UBASH3B: variants seen among roughly 807,000 people sequenced by gnomAD.
The protein encoded by UBASH3B is ubiquitin-associated and SH3 domain-containing protein B.
UBASH3B carries 37 observed loss-of-function variants against 83.4 expected under a neutral mutation model. The ratio of observed to expected loss-of-function variants is 0.44; its 90% CI spans 0.34 to 0.58. The LOEUF (loss-of-function observed/expected upper bound fraction) is 0.58, where lower values mean the gene tolerates loss of function less well. Among genes scored for constraint, UBASH3B ranks in the 20% least tolerant of loss-of-function variants. UBASH3B has a pLI of 0.01. For synonymous variants in UBASH3B, 304 were observed against 318.3 expected, an observed-to-expected ratio of 0.96 and a Z score of 0.48; for missense variants, 657 against 827.2, an observed-to-expected ratio of 0.79 and a Z score of 2.52.
chr11:122,769,130 CT>C (rs1860601597), intron 1 of UBASH3B, among the ~76,000 whole-genome samples: 1 of 152,202 alleles, frequency 6.6e-6, no homozygotes, highest in African/African-American at 2.4e-5. Flanking sequence ...GGAGGCATGA[CT>C]CCAGCATCTG....
intron 1 of UBASH3B, among the ~76,000 whole-genome samples, chr11:122,718,785 C>A (rs899903409): frequency 6.6e-6 from 1 of 152,094 alleles, no homozygotes; most frequent in Admixed American, 6.6e-5. Context: ...TCTTCTTACT[C>A]CAATCTGACA....
chr11:122,684,213 T>C (rs1018591893), intron 1 of UBASH3B, among the ~76,000 whole-genome samples: 5 of 152,156 alleles, frequency 3.3e-5, no homozygotes, highest in African/African-American at 1.2e-4. Flanking sequence ...ATCTAATAAA[T>C]TGGCTGTAGA....
chr11:122,778,856 C>T (rs1452659564), intron 3 of UBASH3B, among the ~76,000 whole-genome samples: 1 of 152,176 alleles, frequency 6.6e-6, no homozygotes, highest in Non-Finnish European at 1.5e-5. Flanking sequence ...CTGCCCGCCT[C>T]AGCCTCCCAA....
chr11:122,682,238 A>C (rs761867653), intron 1 of UBASH3B, among the ~76,000 whole-genome samples: 1 of 152,150 alleles, frequency 6.6e-6, no homozygotes, highest in Non-Finnish European at 1.5e-5. Flanking sequence ...TTAGTAGTTG[A>C]CTGTGTGGAT....
intron 1 of UBASH3B, among the ~76,000 whole-genome samples, chr11:122,751,199 CTTA>C (rs1273740328): frequency 6.6e-6 from 1 of 152,210 alleles, no homozygotes; most frequent in African/African-American, 2.4e-5. Flanking sequence ...CAGCATTTAT[CTTA>C]TTATAATGGA....
intron 1 of UBASH3B, among the ~76,000 whole-genome samples, chr11:122,771,487 C>T (rs1044575902): frequency 1.3e-5 from 2 of 152,100 alleles, no homozygotes; most frequent in African/African-American, 2.4e-5. Context: ...GTGATCCACC[C>T]GCCTTGGCCT....
chr11:122,698,238 T>C (rs7943438), intron 1 of UBASH3B, among the ~76,000 whole-genome samples: 122,810 of 152,018 alleles, frequency 0.81, 50,666 homozygotes, highest in East Asian at 0.95. Flanking sequence ...GTTGTCAACA[T>C]TGCAGATGAC....
chr11:122,664,580 T>A (rs1202315656), intron 1 of UBASH3B, among the ~76,000 whole-genome samples: 1 of 152,092 alleles, frequency 6.6e-6, no homozygotes. Context: ...GTGGCAGTGA[T>A]CGCAGTCCTC....
intron 1 of UBASH3B, among the ~76,000 whole-genome samples, chr11:122,657,654 G>A (rs895478239): frequency 1.3e-5 from 2 of 152,144 alleles, no homozygotes; most frequent in African/African-American, 4.8e-5. Flanking sequence ...AATCAAAGTA[G>A]ACCCTTGAAT....
At position 122,699,663 on chromosome 11, in the gene UBASH3B, A is replaced by C. The variant is rs1318666990; in HGVS notation, c.161+43453A>C. Among the ~76,000 whole-genome samples the C allele has an allele frequency of 4.0e-5, 6 of 150,242 alleles. No homozygotes were observed. In the East Asian group the frequency reaches 5.9e-4, roughly 15 times the overall value. ...AGTGGTGCAATCTCTGGTTACTGCA[A>C]CCTCCGCCTCCAGGGCTCAAGCGAT... On this transcript the variant is annotated intron_variant, in intron 1 of 13. Coordinates refer to ENST00000284273, the MANE Select transcript of UBASH3B (RefSeq NM_032873.5).
intron 1 of UBASH3B, among the ~76,000 whole-genome samples, chr11:122,744,896 TGTGCGCGC>T (rs1565549496): frequency 4.9e-5 from 6 of 123,034 alleles, no homozygotes; most frequent in South Asian, 2.7e-4. Flanking sequence ...TGTGTGTGTG[TGTGCGCGC>T]GCGCGCGCAC....
intron 1 of UBASH3B, among the ~76,000 whole-genome samples, chr11:122,701,601 C>T (rs1290981979): frequency 1.3e-5 from 2 of 152,084 alleles, no homozygotes; most frequent in East Asian, 1.9e-4. Flanking sequence ...ACAGGGTCCT[C>T]GCTTGCATTG....
chr11:122,666,709 G>A (rs917577362), intron 1 of UBASH3B, among the ~76,000 whole-genome samples: 5 of 152,094 alleles, frequency 3.3e-5, no homozygotes, highest in African/African-American at 9.7e-5. Flanking sequence ...GAGCCACCGC[G>A]CCCAGCTGCA....
intron 1 of UBASH3B, among the ~76,000 whole-genome samples, chr11:122,768,508 G>GTGTGTGTGTA (rs557159523): frequency 0.055 from 7,342 of 134,162 alleles, 276 homozygotes; most frequent in Middle Eastern, 0.12. Flanking sequence ...GTGTGTGTGT[G>GTGTGTGTGTA]TATATATATA....
chr11:122,744,907 G>GCA (rs1565549549), intron 1 of UBASH3B, among the ~76,000 whole-genome samples: 3 of 56,130 alleles, frequency 5.3e-5, no homozygotes, highest in African/African-American at 1.6e-4. Context: ...GTGCGCGCGC[G>GCA]CGCGCACTTG....
In UBASH3B at chr11:122,797,239, G is replaced by T. The variant is rs988469310; in HGVS notation, c.1357+206G>T. 10 of 559,802 alleles carry T rather than the reference G, an allele frequency of 1.8e-5. No homozygotes were observed. The Admixed American group carries it at 3.7e-4, about 21-fold the overall frequency. 34.7% of individuals were successfully genotyped at this position (559,802 alleles called of 1,614,324 possible). A position where few individuals can be genotyped will look rare whatever the true frequency, so the allele number is the denominator to read the frequency against. On this transcript the variant is annotated intron_variant, in intron 9 of 13. Transcript: ENST00000284273. ...GGTTGACCAAAGTGAATGAGGTGTGGTCCTTATTGAGGAGCACGTGATCCA... is the reference window on the plus strand; with the variant it reads ...GGTTGACCAAAGTGAATGAGGTGTGTTCCTTATTGAGGAGCACGTGATCCA...
Position 122,776,352 on chromosome 11 carries a change from T to C in UBASH3B, c.215+80T>C, listed in dbSNP as rs1013365730. ...TGTGGATGAGTGGGGAGGTGCAGAC[T>C]TTCTCTAATGGACCCTTCCAGAAGA... On this transcript the variant is annotated intron_variant, in intron 2 of 13. Transcript: ENST00000284273. 7 of 1,336,398 alleles carry C rather than the reference T, an allele frequency of 5.2e-6. No homozygotes were observed. In the African/African-American group the frequency reaches 7.3e-5, roughly 14 times the overall value. The allele number at this position is 1,336,398 out of a possible 1,614,324, so 82.8% of individuals were successfully genotyped here.
chr11:122,807,629 T>C (rs1271336215), intron 12 of UBASH3B, among the ~76,000 whole-genome samples: 1 of 152,146 alleles, frequency 6.6e-6, no homozygotes, highest in East Asian at 1.9e-4. Flanking sequence ...TGGCTCACTA[T>C]AGCCTCAATC....
At chr11:122,715,197 G>C (rs779186477) in intron 1 of UBASH3B, among the ~76,000 whole-genome samples, 2 of 152,124 alleles carry the variant, frequency 1.3e-5, no homozygotes, top group South Asian at 4.2e-4. Context: ...CGCCCGCCTC[G>C]GCCTCCCAAA....
Sources: allele counts gnomAD v4.1 joint callset (sites outside exome capture counted in the v4.1 genomes callset), GRCh38; gene constraint gnomAD v4.1.1; transcripts MANE v1.5; gene names NCBI Gene and HGNC (gene_info 2026-07-23, HGNC 2026-07-21).